Variants in ATP8B4 observed in about 807,000 individuals in gnomAD.
The protein encoded by ATP8B4 is ATPase phospholipid transporting 8B4 (putative).
A neutral mutation model predicts 145.6 loss-of-function variants in ATP8B4; 133 were observed. The observed-to-expected ratio is 0.91, with a 90% CI of 0.79 to 1.05. The LOEUF (loss-of-function observed/expected upper bound fraction) is 1.05. Ranked by LOEUF, ATP8B4 falls within the 50% of genes least tolerant of loss-of-function variation. The probability of loss-of-function intolerance (pLI) is 0.00; values close to 1 mark genes in which losing one functional copy is unlikely to be tolerated. For synonymous variants in ATP8B4, 507 were observed against 492.9 expected, an observed-to-expected ratio of 1.03 and a Z score of -0.38; for missense variants, 1,458 against 1,425.2, an observed-to-expected ratio of 1.02 and a Z score of -0.37.
intron 25 of ATP8B4, among the ~76,000 whole-genome samples, chr15:49,867,310 C>A (rs369165965): frequency 6.6e-6 from 1 of 152,168 alleles, no homozygotes. Context: ...TCTGAGGGGG[C>A]CCTACCTGCT....
intron 8 of ATP8B4, among the ~76,000 whole-genome samples, chr15:49,999,225 T>C (rs2047686151): frequency 6.6e-6 from 1 of 151,956 alleles, no homozygotes; most frequent in Non-Finnish European, 1.5e-5. Context: ...TGAGTTCATG[T>C]CCTTTGTAGG....
chr15:49,903,696 C>T (rs1428622480), intron 20 of ATP8B4, among the ~76,000 whole-genome samples: 3 of 152,114 alleles, frequency 2.0e-5, no homozygotes, highest in Non-Finnish European at 4.4e-5. Flanking sequence ...GAGTTCAAGA[C>T]CAGCCTGAAC....
At chr15:50,088,362 AC>A in intron 2 of ATP8B4, among the ~76,000 whole-genome samples, 1 of 148,710 alleles carries the variant, frequency 6.7e-6, no homozygotes, top group African/African-American at 2.6e-5. Flanking sequence ...AAAACAAAAA[AC>A]AAACAAACAA....
In ATP8B4 at chr15:49,859,494, T is replaced by G. The variant is rs1417542600; in HGVS notation, c.*700A>C. 1.3e-5 allele frequency: 2 copies of G among 152,230 alleles called. No individual in the cohort carries two copies. The highest frequency in any genetic ancestry group is 4.8e-5 in the African/African-American group (2 of 41,476). 9.4% of individuals were successfully genotyped at this position (152,230 alleles called of 1,614,324 possible). A position where few individuals can be genotyped will look rare whatever the true frequency, so the allele number is the denominator to read the frequency against. ...CTCTCACATTTCATAAGCATGTCCT[T>G]ACATGACACAGACTGAGAGCTTTTT... is the stretch of plus-strand genomic sequence containing the variant. On this transcript the variant is annotated 3_prime_UTR_variant, in exon 28 of 28. Transcript: ENST00000284509.
chr15:50,085,886 T>TATATATGATATATATCATATATATTG (rs1567330438), intron 2 of ATP8B4, among the ~76,000 whole-genome samples: 1 of 84,872 alleles, frequency 1.2e-5, no homozygotes, highest in East Asian at 3.1e-4. Context: ...TTTATATATT[T>TATATATGATATATATCATATATATTG]ATATATGATA....
chr15:49,889,456 C>A (rs1190697152), intron 23 of ATP8B4, among the ~76,000 whole-genome samples: 1 of 152,226 alleles, frequency 6.6e-6, no homozygotes, highest in Non-Finnish European at 1.5e-5. Context: ...CACTGTACAT[C>A]TCAAGCCAAT....
At chr15:49,877,409 C>A (rs188915188) in intron 24 of ATP8B4, among the ~76,000 whole-genome samples, 48 of 152,146 alleles carry the variant, frequency 3.2e-4, no homozygotes, top group Non-Finnish European at 3.5e-4. Flanking sequence ...GGAGAAGAGG[C>A]GAAAGTGGAA....
chr15:50,031,687 T>C (rs1203885536), intron 6 of ATP8B4, among the ~76,000 whole-genome samples: 2 of 151,940 alleles, frequency 1.3e-5, no homozygotes, highest in African/African-American at 2.4e-5. Context: ...CCATATCATA[T>C]ACATCCACCC....
chr15:50,039,303 ATTGT>A (rs2051088665), intron 5 of ATP8B4, among the ~76,000 whole-genome samples: 1 of 152,216 alleles, frequency 6.6e-6, no homozygotes, highest in Non-Finnish European at 1.5e-5. Flanking sequence ...AGAAACTCTA[ATTGT>A]TAACAGTGAT....
intron 3 of ATP8B4, among the ~76,000 whole-genome samples, chr15:50,060,019 T>G (rs2052893743): frequency 6.6e-6 from 1 of 152,164 alleles, no homozygotes; most frequent in Non-Finnish European, 1.5e-5. Context: ...TTTCCAGTAC[T>G]GTAAAATGAG....
intron 2 of ATP8B4, among the ~76,000 whole-genome samples, chr15:50,079,251 A>G (rs1364043842): frequency 6.6e-6 from 1 of 152,218 alleles, no homozygotes; most frequent in Non-Finnish European, 1.5e-5. Flanking sequence ...TTTACAAAAA[A>G]GAATGTACAA....
chr15:49,953,789 G>A (rs75207766), intron 14 of ATP8B4, among the ~76,000 whole-genome samples: 12,137 of 152,278 alleles, frequency 0.08, 534 homozygotes, highest in Middle Eastern at 0.095. Flanking sequence ...TGCACATTCC[G>A]GAGTTGGGAT....
intron 23 of ATP8B4, among the ~76,000 whole-genome samples, chr15:49,891,533 C>T (rs2036797145): frequency 6.6e-6 from 1 of 152,242 alleles, no homozygotes; most frequent in African/African-American, 2.4e-5. Flanking sequence ...ACTACGTTGG[C>T]CAGGCTGGTC....
At position 50,130,184 on chromosome 15, in the gene ATP8B4, C is replaced by A. The variant is rs189657501; in HGVS notation, c.-42-23176G>T. ...ACATCTTTCAGGTCTTAACTGCATT[C>A]TCACTTCCTCTAGGAACCCTCTTCA... On this transcript the variant is annotated intron_variant, in intron 1 of 3. Coordinates refer to the ATP8B4 transcript ENST00000558829. Among the ~76,000 whole-genome samples the A allele has an allele frequency of 1.9e-3, 288 of 152,252 alleles. 3 individuals carry two copies. In the South Asian group the frequency reaches 0.02, roughly 10 times the overall value.
At chr15:50,084,701 T>A (rs1476178407) in intron 2 of ATP8B4, among the ~76,000 whole-genome samples, 1 of 152,096 alleles carries the variant, frequency 6.6e-6, no homozygotes, top group African/African-American at 2.4e-5. Flanking sequence ...CAGGGCTGAG[T>A]TCCTTCTAGA....
chr15:49,921,731 C>A (rs142888938), intron 17 of ATP8B4, among the ~76,000 whole-genome samples: 75 of 152,258 alleles, frequency 4.9e-4, no homozygotes, highest in African/African-American at 1.8e-3. Context: ...AAAGTCAATG[C>A]GTACTGCAAT....
At chr15:50,074,240 A>G in intron 2 of ATP8B4, 55 bp from the exon 3 acceptor site, 1 of 1,430,010 alleles carries the variant, frequency 7.0e-7, no homozygotes, top group Non-Finnish European at 9.8e-7. Context: ...AGAAACAAAT[A>G]ACTCATTAAA....
intron 6 of ATP8B4, among the ~76,000 whole-genome samples, chr15:50,020,319 G>C (rs940581942): frequency 5.3e-5 from 8 of 150,438 alleles, no homozygotes; most frequent in Non-Finnish European, 1.2e-4. Context: ...GGGCAGGATG[G>C]AGTGCAATGG....
chr15:49,901,739 C>T (rs898128276), intron 20 of ATP8B4: 1 of 393,854 alleles, frequency 2.5e-6, no homozygotes, highest in African/African-American at 2.1e-5. Context: ...CTCTGAGAAA[C>T]ATATTTTTTA....
Sources: allele counts gnomAD v4.1 joint callset (sites outside exome capture counted in the v4.1 genomes callset), GRCh38; gene constraint gnomAD v4.1.1; transcripts MANE v1.5; gene names NCBI Gene and HGNC (gene_info 2026-07-23, HGNC 2026-07-21).